Variants in MED13 observed in about 807,000 individuals in gnomAD.
MED13 encodes the protein mediator complex subunit 13, also known as mediator of RNA polymerase II transcription subunit 13.
A neutral mutation model predicts 225.2 loss-of-function variants in MED13; 23 were observed. That is an observed-to-expected ratio of 0.10 (90% CI 0.07 to 0.14). The LOEUF is 0.14. Ranked by LOEUF, MED13 falls within the 10% of genes least tolerant of loss-of-function variation. The probability of loss-of-function intolerance (pLI) is 1.00; values close to 1 mark genes in which losing one functional copy is unlikely to be tolerated. For missense variants in MED13, 2,197 were observed against 2,594.5 expected (o/e 0.85, Z 3.33); for synonymous variants, 942 against 889.2 (o/e 1.06, Z -1.06).
rs1286159877 is a variant in MED13, at chr17:61,957,282, G to A, written c.5481-801C>T. On this transcript the variant is annotated intron_variant, in intron 23 of 29. Coordinates refer to ENST00000397786, the MANE Select transcript of MED13 (RefSeq NM_005121.3). ...GGCTGGTCTCAACTCCCGACCTCAG[G>A]TGATCCTGTCTCAGCATCCCAAAGT... Among the ~76,000 whole-genome samples the A allele has an allele frequency of 3.3e-5, 5 of 150,684 alleles. No individual in the cohort carries two copies. In the East Asian group the frequency reaches 5.9e-4, roughly 18 times the overall value.
At chr17:62,035,403 G>T (rs1006601675) in intron 4 of MED13, 60 bp downstream of exon 4, 2 of 1,347,518 alleles carry the variant, frequency 1.5e-6, no homozygotes, top group East Asian at 4.9e-5. Context: ...GTAAAATTAT[G>T]AAGTCAAATA....
At position 61,992,556 on chromosome 17, in the gene MED13, A is replaced by G; in HGVS notation, c.2247T>C (p.Ser749=). The G allele has an allele frequency of 1.2e-6, 2 of 1,608,768 alleles. No individual in the cohort carries two copies. The highest frequency in any genetic ancestry group is 1.1e-5 in the South Asian group (1 of 90,892). Residue 749 remains serine, a synonymous_variant, in exon 11 of 30, where the codon AGT becomes AGC. Transcript: ENST00000397786. Reference sequence around the variant, plus strand: ...AGATTTTACCTTGCTTGATAGAGGGACTAAATAATGACATAGCATCTTCTT... The same window carrying G: ...AGATTTTACCTTGCTTGATAGAGGGGCTAAATAATGACATAGCATCTTCTT... The part of the protein sequence containing the change: ...SHEEDAMSLF[S]PSIKQDAPRP...
At chr17:62,022,174 A>T (rs12947923) in intron 8 of MED13, among the ~76,000 whole-genome samples, 4,394 of 141,284 alleles carry the variant, frequency 0.031, 71 homozygotes, top group Middle Eastern at 0.041. Context: ...TCAAAAAAAA[A>T]ATATATATAT....
At chr17:62,054,499 T>A (rs1455337449) in intron 2 of MED13, among the ~76,000 whole-genome samples, 1 of 152,170 alleles carries the variant, frequency 6.6e-6, no homozygotes, top group Non-Finnish European at 1.5e-5. Flanking sequence ...AAAACGTTTA[T>A]GGGTTTCACT....
At chr17:61,965,734 T>C (rs1281691105) in intron 19 of MED13, among the ~76,000 whole-genome samples, 1 of 152,202 alleles carries the variant, frequency 6.6e-6, no homozygotes, top group African/African-American at 2.4e-5. Context: ...AAAATTCTAT[T>C]TTCTAAGTAT....
intron 16 of MED13, among the ~76,000 whole-genome samples, 155 bp from the exon 17 acceptor site, chr17:61,973,043 C>T (rs1243024667): frequency 1.3e-5 from 2 of 152,174 alleles, no homozygotes; most frequent in African/African-American, 2.4e-5. Flanking sequence ...TTAAGTTCTA[C>T]AAGATGATCT....
chr17:62,026,322 C>T (rs1013984328), intron 8 of MED13, among the ~76,000 whole-genome samples: 16 of 152,022 alleles, frequency 1.1e-4, no homozygotes, highest in African/African-American at 2.9e-4. Context: ...CATTAGAAAG[C>T]GTGACAGTTT....
intron 9 of MED13, chr17:62,004,968 C>T (rs997467614): frequency 6.7e-6 from 1 of 148,330 alleles, no homozygotes; most frequent in African/African-American, 2.5e-5. Flanking sequence ...GGAGTGATCT[C>T]TGCTCACTGT....
At chr17:62,048,043 CATATAT>C (rs397803988) in intron 3 of MED13, among the ~76,000 whole-genome samples, 103 of 131,144 alleles carry the variant, frequency 7.9e-4, no homozygotes, top group African/African-American at 1.8e-3. Flanking sequence ...TATACATATA[CATATAT>C]ATATATATAT....
chr17:61,965,280 T>C lies in MED13; in HGVS notation c.4570A>G (p.Thr1524Ala), dbSNP rs770366296. 30 of 1,614,096 alleles carry C rather than the reference T, an allele frequency of 1.9e-5. No homozygotes were observed. Among genetic ancestry groups the C allele is most frequent in the African/African-American group, 2.7e-5 (2 of 74,944 alleles). Residue 1524 changes from threonine to alanine, a missense_variant, in exon 20 of 30, where the codon ACT (threonine) becomes GCT (alanine). Physicochemically the swap from Thr to Ala is moderately conservative, Grantham distance 58. Around this residue, in one of 12 missense-constraint regions of MED13, gnomAD observed 457 missense variants for 442.2 expected, o/e 1.03. Transcript: ENST00000397786. Reference protein sequence around the residue: ...MTVTSGVAISTSVATANSTLT... With the variant: ...MTVTSGVAISASVATANSTLT... Reference sequence around the variant, plus strand: ...GTTGAATTAGCTGTGGCAACTGAAGTAGATATGGCAACACCTGAAGTCACT... The same window carrying C: ...GTTGAATTAGCTGTGGCAACTGAAGCAGATATGGCAACACCTGAAGTCACT...
At chr17:62,024,695 G>C (rs2080683423) in intron 8 of MED13, among the ~76,000 whole-genome samples, 1 of 152,080 alleles carries the variant, frequency 6.6e-6, no homozygotes, top group Non-Finnish European at 1.5e-5. Context: ...CCTCCTCCCA[G>C]CCTCCACTGG....
rs190672996 is a variant in MED13 at position 61,969,729 on chromosome 17, G to A, written c.3968-1471C>T. 2.0e-3 allele frequency among the ~76,000 whole-genome samples: 297 copies of A among 152,054 alleles called. 1 individual carries two copies. Among genetic ancestry groups the A allele is most frequent in the African/African-American group, 6.9e-3 (286 of 41,472 alleles). On this transcript the variant is annotated intron_variant, in intron 17 of 29. Transcript: ENST00000397786. ...CAATTATCTCACCTCAGCCTCCTGA[G>A]TAGCTGGGATTATAGGCACACATCA...
chr17:62,006,592 C>T (rs2143568430), intron 9 of MED13: 1 of 151,360 alleles, frequency 6.6e-6, no homozygotes. Context: ...CTATATACAA[C>T]ATTTCCAATC....
At chr17:62,043,851 C>T (rs1220119684) in intron 3 of MED13, among the ~76,000 whole-genome samples, 1 of 152,040 alleles carries the variant, frequency 6.6e-6, no homozygotes, top group African/African-American at 2.4e-5. Flanking sequence ...ATTAATTTTG[C>T]CTATACATTT....
At chr17:61,998,104 G>T (rs1427140551) in intron 9 of MED13, among the ~76,000 whole-genome samples, 1 of 151,974 alleles carries the variant, frequency 6.6e-6, no homozygotes, top group Non-Finnish European at 1.5e-5. Context: ...GCTGATAATA[G>T]AATTAAAAAT....
intron 15 of MED13, among the ~76,000 whole-genome samples, 200 bp downstream of exon 15, chr17:61,983,971 G>A (rs1037309387): frequency 5.3e-5 from 8 of 152,016 alleles, no homozygotes; most frequent in African/African-American, 1.7e-4. Flanking sequence ...CAAGGGATAC[G>A]CCTGCCTTGG....
chr17:61,947,974 A>G lies in MED13; in HGVS notation c.6292-957T>C, dbSNP rs561117228. ...CTGCAATACATATAGAAACTCATGT[A>G]GTACATTTAGGAATATAACCAAAAA... is the stretch of plus-strand genomic sequence containing the variant. On this transcript the variant is annotated intron_variant, in intron 28 of 29. Transcript: ENST00000397786. 7.0e-4 allele frequency among the ~76,000 whole-genome samples: 107 copies of G among 152,356 alleles called. 1 individual carries two copies. The highest frequency in any genetic ancestry group is 2.5e-3 in the African/African-American group (103 of 41,586).
chr17:62,008,305 G>A (rs182480627), intron 9 of MED13, among the ~76,000 whole-genome samples: 1,782 of 97,892 alleles, frequency 0.018, 47 homozygotes, highest in African/African-American at 0.077. Flanking sequence ...GCCACAGAGC[G>A]AGGCTCTGTC....
chr17:62,018,355 A>G lies in MED13; in HGVS notation c.1284-7122T>C, dbSNP rs145147497. Among the ~76,000 whole-genome samples, 8 of 152,348 alleles carry G rather than the reference A, an allele frequency of 5.3e-5. No homozygotes were observed. In the South Asian group the frequency reaches 6.2e-4, roughly 12 times the overall value. ...ATATAAATTGTAAAAACAATACGGT[A>G]TAACAACTATTTACGTAACACATTG... On this transcript the variant is annotated intron_variant, in intron 8 of 29. Transcript: ENST00000397786.
Sources: allele counts gnomAD v4.1 joint callset (sites outside exome capture counted in the v4.1 genomes callset), GRCh38; gene constraint gnomAD v4.1.1; regional missense constraint gnomAD v4.1.1; transcripts MANE v1.5; gene names NCBI Gene and HGNC (gene_info 2026-07-23, HGNC 2026-07-21).